ATG4C: variants seen among roughly 807,000 people sequenced by gnomAD.
The protein encoded by ATG4C is cysteine protease ATG4C.
ATG4C carries 56 observed loss-of-function variants against 57.6 expected under a neutral mutation model. That is an observed-to-expected ratio of 0.97 (90% CI 0.78 to 1.21). The LOEUF (loss-of-function observed/expected upper bound fraction) is 1.21. Ranked by LOEUF, ATG4C falls within the 50% of genes most tolerant of loss-of-function variation. The pLI is 0.00. For missense variants in ATG4C, 595 were observed against 529.8 expected (o/e 1.12, Z -1.21); for synonymous variants, 157 against 174.1 (o/e 0.90, Z 0.78).
At chr1:62,828,906 T>C (rs933523843) in intron 6 of ATG4C, 134 bp from the exon 7 acceptor site, 19 of 754,978 alleles carry the variant, frequency 2.5e-5, no homozygotes, top group Non-Finnish European at 3.9e-5. Flanking sequence ...TTTAACTTAC[T>C]AAGACATTTC....
chr1:62,850,970 A>G (rs954862707), intron 10 of ATG4C, among the ~76,000 whole-genome samples: 3 of 147,562 alleles, frequency 2.0e-5, no homozygotes, highest in African/African-American at 7.4e-5. Context: ...TGTCATCTCA[A>G]CAAGGGAAGG....
At chr1:62,818,942 T>G in intron 4 of ATG4C, 63 bp from the exon 5 acceptor site, 2 of 1,289,236 alleles carry the variant, frequency 1.6e-6, no homozygotes, top group Non-Finnish European at 2.1e-6. Flanking sequence ...CGTATTTATT[T>G]TAGTAGAATT....
At chr1:62,821,116 G>T (rs751030760) in intron 5 of ATG4C, 23 bp from the exon 6 acceptor site, 1 of 1,561,206 alleles carries the variant, frequency 6.4e-7, no homozygotes, top group African/African-American at 1.4e-5. Context: ...GATTTTGAAA[G>T]ATAATGCTTG....
In ATG4C at chr1:62,797,244, C is replaced by T. The variant is rs527336352; in HGVS notation, c.-68-6475C>T. Among the ~76,000 whole-genome samples the T allele has an allele frequency of 2.0e-5, 3 of 152,014 alleles. No individual in the cohort carries two copies. The South Asian group carries it at 6.2e-4, about 32-fold the overall frequency. ...ATGCATAAGTTATATTTATGCTGTT[C>T]CCCTTTTTTTCTCACTCAATGCCCT... On this transcript the variant is annotated intron_variant, in intron 1 of 10. Transcript: ENST00000317868.
intron 6 of ATG4C, among the ~76,000 whole-genome samples, chr1:62,824,336 CT>C (rs769410571): frequency 5.9e-5 from 9 of 152,008 alleles, no homozygotes; most frequent in Admixed American, 1.3e-4. Flanking sequence ...ATTTTTGTAG[CT>C]TTGGTTTCAA....
intron 10 of ATG4C, 28 bp downstream of exon 10, chr1:62,841,575 T>C: frequency 6.6e-7 from 1 of 1,505,448 alleles, no homozygotes; most frequent in Non-Finnish European, 8.9e-7. Flanking sequence ...ATTATATTTG[T>C]AAATGACCTA....
Position 62,819,299 on chromosome 1 carries a change from A to G in ATG4C, c.689A>G (p.Asp230Gly), listed in dbSNP as rs759226255. 42 of 1,611,228 alleles carry G rather than the reference A, an allele frequency of 2.6e-5. No individual in the cohort carries two copies. Among genetic ancestry groups the G allele is most frequent in the Non-Finnish European group, 3.2e-5 (38 of 1,179,120 alleles). Residue 230 changes from aspartate (D) to glycine (G), a missense_variant, in exon 5 of 11, where the codon GAT becomes GGT. By Grantham distance (94) the Asp-to-Gly change is moderately conservative. Transcript: ENST00000317868. ...AAGAAGTCTGGGAAAAAAGCAGGAG[A>G]TTGGTATGGACCAGCTGTGGTTGCT... The part of the protein sequence containing the change: ...YGKKSGKKAG[D>G]WYGPAVVAHI...
intron 1 of ATG4C, among the ~76,000 whole-genome samples, chr1:62,800,352 G>A (rs997807106): frequency 1.3e-5 from 2 of 152,118 alleles, no homozygotes; most frequent in Non-Finnish European, 1.5e-5. Flanking sequence ...GTGGGCAACT[G>A]TGGTATAAAA....
At chr1:62,863,658 ACTACCTAAAGAAGAT>A (rs1666919290) in intron 10 of ATG4C, among the ~76,000 whole-genome samples, 1 of 152,068 alleles carries the variant, frequency 6.6e-6, no homozygotes, top group Admixed American at 6.6e-5. Context: ...ATTGTCTATT[ACTACCTAAAGAAGAT>A]AAATTACAAC....
At chr1:62,825,868 T>A (rs1037695104) in intron 6 of ATG4C, among the ~76,000 whole-genome samples, 1 of 152,174 alleles carries the variant, frequency 6.6e-6, no homozygotes, top group Admixed American at 6.5e-5. Context: ...ACATCTTACA[T>A]TTAATAGTGA....
At chr1:62,853,583 A>G (rs796788515) in intron 10 of ATG4C, among the ~76,000 whole-genome samples, 8 of 152,192 alleles carry the variant, frequency 5.3e-5, no homozygotes, top group African/African-American at 1.9e-4. Context: ...ACTAGCTGGG[A>G]CCACAGGTGT....
chr1:62,850,854 G>GTGTATGTATATATA (rs1402010901), intron 10 of ATG4C, among the ~76,000 whole-genome samples: 9 of 84,120 alleles, frequency 1.1e-4, no homozygotes, highest in Non-Finnish European at 2.1e-4. Context: ...GTGTATGTAT[G>GTGTATGTATATATA]TATATATATA....
At chr1:62,828,103 A>C (rs1665725276) in intron 6 of ATG4C, among the ~76,000 whole-genome samples, 1 of 152,228 alleles carries the variant, frequency 6.6e-6, no homozygotes, top group Admixed American at 6.5e-5. Context: ...ATAGTGCTGC[A>C]GTGAACATTC....
intron 1 of ATG4C, among the ~76,000 whole-genome samples, chr1:62,793,141 C>G (rs1572092176): frequency 6.6e-6 from 1 of 151,830 alleles, no homozygotes; most frequent in Non-Finnish European, 1.5e-5. Flanking sequence ...CCGCCTCGGC[C>G]TCCCAAAGTG....
At chr1:62,793,597 GAAAAAA>G (rs746057232) in intron 1 of ATG4C, among the ~76,000 whole-genome samples, 1 of 20,538 alleles carries the variant, frequency 4.9e-5, no homozygotes, top group South Asian at 2.2e-3. Flanking sequence ...ACCTTGTCTC[GAAAAAA>G]AAAAAAAAAA....
At chr1:62,788,241 C>T (rs1329608290) in intron 1 of ATG4C, among the ~76,000 whole-genome samples, 1 of 152,100 alleles carries the variant, frequency 6.6e-6, no homozygotes, top group East Asian at 1.9e-4. Flanking sequence ...ATCAGCTGCT[C>T]TAAAATCAAC....
intron 10 of ATG4C, among the ~76,000 whole-genome samples, chr1:62,847,503 A>G (rs1666361828): frequency 6.6e-6 from 1 of 152,196 alleles, no homozygotes; most frequent in Non-Finnish European, 1.5e-5. Flanking sequence ...CGGGAGTGCA[A>G]AAAACGTTTA....
intron 3 of ATG4C, among the ~76,000 whole-genome samples, chr1:62,812,500 C>T (rs1665121261): frequency 6.6e-6 from 1 of 152,120 alleles, no homozygotes; most frequent in South Asian, 2.1e-4. Context: ...TTATGACAAA[C>T]CCATATTTTG....
At chr1:62,818,959 G>T (rs772563167) in intron 4 of ATG4C, 46 bp from the exon 5 acceptor site, 1 of 1,360,534 alleles carries the variant, frequency 7.4e-7, no homozygotes, top group Non-Finnish European at 9.9e-7. Context: ...AATTGTTAAA[G>T]TATCTATTTA....
Sources: allele counts gnomAD v4.1 joint callset (sites outside exome capture counted in the v4.1 genomes callset), GRCh38; gene constraint gnomAD v4.1.1; transcripts MANE v1.5; gene names NCBI Gene and HGNC (gene_info 2026-07-23, HGNC 2026-07-21).